LRRC4C: variants seen among roughly 807,000 people sequenced by gnomAD.
The protein encoded by LRRC4C is leucine-rich repeat-containing protein 4C.
A neutral mutation model predicts 33.6 loss-of-function variants in LRRC4C; 5 were observed. That is an observed-to-expected ratio of 0.15 (90% confidence interval 0.08 to 0.31). LRRC4C has a LOEUF of 0.31. Among genes scored for constraint, LRRC4C ranks in the 10% least tolerant of loss-of-function variants. The probability of loss-of-function intolerance (pLI) is 1.00; values close to 1 mark genes in which losing one functional copy is unlikely to be tolerated. For synonymous variants in LRRC4C, 329 were observed against 302.0 expected (o/e 1.09, Z -0.93); for missense variants, 560 against 796.7 (o/e 0.70, Z 3.58).
At chr11:41,232,747 GACAC>G (rs34632647) in intron 1 of LRRC4C, among the ~76,000 whole-genome samples, 6,645 of 143,548 alleles carry the variant, frequency 0.046, 209 homozygotes, top group African/African-American at 0.097. Flanking sequence ...GTGTTATCAA[GACAC>G]ACACACACAC....
At position 40,213,103 on chromosome 11, in the gene LRRC4C, G is replaced by C. The variant is rs150456492; in HGVS notation, c.-96+28416C>G. Among the ~76,000 whole-genome samples, 221 of 152,180 alleles carry C rather than the reference G, an allele frequency of 1.5e-3. 2 individuals are homozygous for C. Among genetic ancestry groups the C allele is most frequent in the African/African-American group, 5.1e-3 (212 of 41,526 alleles). On this transcript the variant is annotated intron_variant, in intron 5 of 6. Transcript: ENST00000528697. ...TAACTTCGGAGCAAAACTCAACTTA[G>C]AGCCACAAATCTTGACCCATTTCGC...
chr11:40,504,550 G>C (rs529584599), intron 3 of LRRC4C, among the ~76,000 whole-genome samples: 1 of 152,230 alleles, frequency 6.6e-6, no homozygotes, highest in Admixed American at 6.5e-5. Flanking sequence ...ATATTAGTGT[G>C]AGTTGAGTGA....
intron 1 of LRRC4C, among the ~76,000 whole-genome samples, chr11:41,071,040 G>C (rs796707106): frequency 2.6e-5 from 4 of 152,114 alleles, no homozygotes; most frequent in African/African-American, 9.6e-5. Flanking sequence ...AAGAAAATGT[G>C]GTCATATACA....
At chr11:41,051,599 T>A (rs1023796828) in intron 1 of LRRC4C, among the ~76,000 whole-genome samples, 3 of 146,190 alleles carry the variant, frequency 2.1e-5, no homozygotes, top group East Asian at 2.0e-4. Context: ...TTTTTAAAAA[T>A]TTTTATTTAT....
intron 3 of LRRC4C, among the ~76,000 whole-genome samples, chr11:40,594,891 A>G (rs1959195904): frequency 6.6e-6 from 1 of 152,200 alleles, no homozygotes; most frequent in Admixed American, 6.5e-5. Flanking sequence ...GCTTCCCAGA[A>G]AACATTTAGT....
chr11:40,637,409 CAAT>C (rs1434571942), intron 3 of LRRC4C, among the ~76,000 whole-genome samples: 2 of 152,108 alleles, frequency 1.3e-5, no homozygotes, highest in Non-Finnish European at 2.9e-5. Context: ...TAGAAATAAA[CAAT>C]ATTTATAGAG....
At chr11:41,090,449 A>C (rs2135542538) in intron 1 of LRRC4C, among the ~76,000 whole-genome samples, 1 of 152,282 alleles carries the variant, frequency 6.6e-6, no homozygotes, top group Non-Finnish European at 1.5e-5. Context: ...AACATATTTT[A>C]GTTTCAAAAA....
Position 40,892,051 on chromosome 11 carries a change from C to T in LRRC4C, c.-407+41584G>A, listed in dbSNP as rs904814926. Among the ~76,000 whole-genome samples, 6 of 148,078 alleles carry T rather than the reference C, an allele frequency of 4.1e-5. No homozygotes were observed. In the East Asian group the frequency reaches 1.0e-3, roughly 25 times the overall value. ...TCGGGAGGCTGAGGCAGGAGAATAA[C>T]TTGAACCCGTGAGGCGGAGCTTGCA... On this transcript the variant is annotated intron_variant, in intron 2 of 6. Coordinates refer to ENST00000528697, the MANE Select transcript of LRRC4C (RefSeq NM_001258419.2).
chr11:40,902,154 G>C (rs1168583964), intron 2 of LRRC4C, among the ~76,000 whole-genome samples: 1 of 151,878 alleles, frequency 6.6e-6, no homozygotes, highest in Non-Finnish European at 1.5e-5. Flanking sequence ...TCGATCGGTG[G>C]TGTTTTTCCA....
intron 1 of LRRC4C, among the ~76,000 whole-genome samples, chr11:41,045,290 G>T (rs1284889168): frequency 1.3e-5 from 2 of 152,026 alleles, no homozygotes; most frequent in Non-Finnish European, 2.9e-5. Flanking sequence ...ATGGGGCATA[G>T]ATAATAGTTG....
At chr11:41,097,159 T>C (rs1045656432) in intron 1 of LRRC4C, among the ~76,000 whole-genome samples, 1 of 152,168 alleles carries the variant, frequency 6.6e-6, no homozygotes, top group Non-Finnish European at 1.5e-5. Context: ...GTCGTGATGC[T>C]CATGAATGTG....
intron 3 of LRRC4C, among the ~76,000 whole-genome samples, chr11:40,577,120 T>A (rs1217375031): frequency 6.6e-6 from 1 of 152,208 alleles, no homozygotes; most frequent in Non-Finnish European, 1.5e-5. Flanking sequence ...GTTTTTTAAA[T>A]CACAGTGTGA....
chr11:41,360,404 G>A (rs1214875463), intron 1 of LRRC4C, among the ~76,000 whole-genome samples: 1 of 151,572 alleles, frequency 6.6e-6, no homozygotes, highest in Non-Finnish European at 1.5e-5. Flanking sequence ...ATGGAAATGA[G>A]ATACACTCAA....
chr11:41,314,143 G>A lies in LRRC4C; in HGVS notation c.-496+145288C>T, dbSNP rs1418946691. Among the ~76,000 whole-genome samples the A allele has an allele frequency of 3.3e-5, 5 of 152,110 alleles. No homozygotes were observed. In the South Asian group the frequency reaches 8.3e-4, roughly 25 times the overall value. ...AAAACACACAATAGGAGAGGGTGGAGAATGAAGGAATAAATACTTAAAATA... is the reference window on the plus strand; with the variant it reads ...AAAACACACAATAGGAGAGGGTGGAAAATGAAGGAATAAATACTTAAAATA... On this transcript the variant is annotated intron_variant, in intron 1 of 6. Coordinates refer to ENST00000528697, the MANE Select transcript of LRRC4C (RefSeq NM_001258419.2).
chr11:40,962,285 A>T (rs1254394832), intron 1 of LRRC4C, among the ~76,000 whole-genome samples: 1 of 151,600 alleles, frequency 6.6e-6, no homozygotes, highest in Non-Finnish European at 1.5e-5. Flanking sequence ...GTGAGAAAAT[A>T]GATTCTCCCC....
intron 3 of LRRC4C, among the ~76,000 whole-genome samples, chr11:40,366,342 T>C (rs1348121241): frequency 6.6e-6 from 1 of 152,078 alleles, no homozygotes. Context: ...CCTTGAAGCA[T>C]TTAAGACAGG....
At chr11:41,374,873 A>G (rs1486090605) in intron 1 of LRRC4C, among the ~76,000 whole-genome samples, 1 of 152,144 alleles carries the variant, frequency 6.6e-6, no homozygotes, top group African/African-American at 2.4e-5. Context: ...GGTGCCTCAC[A>G]CCAGTACTTG....
intron 3 of LRRC4C, among the ~76,000 whole-genome samples, chr11:40,635,371 C>G (rs1353403046): frequency 6.6e-6 from 1 of 152,168 alleles, no homozygotes; most frequent in Non-Finnish European, 1.5e-5. Context: ...CATTAAATTT[C>G]TCAGCCACTC....
At chr11:41,258,892 C>T (rs916722749) in intron 1 of LRRC4C, among the ~76,000 whole-genome samples, 2 of 151,936 alleles carry the variant, frequency 1.3e-5, no homozygotes, top group African/African-American at 4.8e-5. Context: ...TGAAAATAAT[C>T]CCCACTGTTT....
Sources: gnomAD v4.1 joint callset for allele counts (sites outside exome capture counted in the v4.1 genomes callset) on GRCh38, gnomAD v4.1.1 for gene constraint, MANE v1.5 for transcripts, NCBI Gene and HGNC (gene_info 2026-07-23, HGNC 2026-07-21) for gene names.